AFG2A: variants seen among roughly 807,000 people sequenced by gnomAD.
AFG2A encodes the protein ATPase family gene 2 protein homolog A.
the AFG2A span, among the ~76,000 whole-genome samples, chr4:123,213,497 C>A: frequency 2.0e-5 from 3 of 152,132 alleles, no homozygotes; most frequent in Non-Finnish European, 2.9e-5. Flanking sequence ...GTATTCACTG[C>A]ACCTCTGAGC....
the AFG2A span, among the ~76,000 whole-genome samples, chr4:123,302,375 A>G: frequency 2.6e-5 from 4 of 152,210 alleles, no homozygotes; most frequent in Admixed American, 6.5e-5. Flanking sequence ...CAGCCCCACA[A>G]GGACCCACAA....
At chr4:123,004,991 T>C in the AFG2A span, among the ~76,000 whole-genome samples, 1 of 152,232 alleles carries the variant, frequency 6.6e-6, no homozygotes, top group African/African-American at 2.4e-5. Flanking sequence ...GTTGAATTTA[T>C]GGCCAAAGAG....
At chr4:123,054,731 G>A in the AFG2A span, among the ~76,000 whole-genome samples, 70 of 152,006 alleles carry the variant, frequency 4.6e-4, no homozygotes, top group Admixed American at 1.0e-3. Context: ...AAAAAAATTA[G>A]TAATGTTAAG....
chr4:122,952,548 C>G, the AFG2A span, among the ~76,000 whole-genome samples: 1 of 152,188 alleles, frequency 6.6e-6, no homozygotes, highest in African/African-American at 2.4e-5. Flanking sequence ...ATGGCAGACT[C>G]AAGTATTTGG....
At chr4:122,934,094 T>C in the AFG2A span, 2 of 1,584,588 alleles carry the variant, frequency 1.3e-6, no homozygotes, top group Non-Finnish European at 1.7e-6. Flanking sequence ...TACTGTTTTC[T>C]AGATGGCAAG....
the AFG2A span, among the ~76,000 whole-genome samples, chr4:123,229,089 C>T: frequency 6.6e-6 from 1 of 151,708 alleles, no homozygotes; most frequent in African/African-American, 2.4e-5. Context: ...TAAAAAAAAC[C>T]AGCACAATTT....
chr4:123,278,939 T>G, the AFG2A span, among the ~76,000 whole-genome samples: 1 of 152,156 alleles, frequency 6.6e-6, no homozygotes, highest in Non-Finnish European at 1.5e-5. Flanking sequence ...TTAGGGTGAG[T>G]CATGTGCTGA....
chr4:123,024,306 A>C, the AFG2A span, among the ~76,000 whole-genome samples: 4 of 7,976 alleles, frequency 5.0e-4, no homozygotes, highest in Non-Finnish European at 6.0e-3. Flanking sequence ...AGACCCCCCA[A>C]AAAAAAATCA....
chr4:122,983,815 A>G, the AFG2A span, among the ~76,000 whole-genome samples: 65,346 of 152,116 alleles, frequency 0.43, 17,010 homozygotes, highest in Non-Finnish European at 0.57. Context: ...GACTCTGTAC[A>G]GACAACCCCC....
the AFG2A span, among the ~76,000 whole-genome samples, chr4:123,134,162 T>G: frequency 0.012 from 1,806 of 152,258 alleles, 43 homozygotes; most frequent in African/African-American, 0.04. Flanking sequence ...TGCCTGTGCT[T>G]TTGAGGTTAT....
chr4:123,033,841 G>C, the AFG2A span, among the ~76,000 whole-genome samples: 1 of 152,098 alleles, frequency 6.6e-6, no homozygotes, highest in African/African-American at 2.4e-5. Flanking sequence ...TACATTATAA[G>C]CTTTGGGGAG....
At chr4:123,047,225 C>T in the AFG2A span, among the ~76,000 whole-genome samples, 6 of 152,306 alleles carry the variant, frequency 3.9e-5, no homozygotes, top group Admixed American at 2.6e-4. Context: ...ACAGTGTACA[C>T]ATGATTTCCT....
the AFG2A span, among the ~76,000 whole-genome samples, chr4:123,283,621 T>C: frequency 2.0e-5 from 3 of 152,186 alleles, no homozygotes; most frequent in African/African-American, 7.2e-5. Flanking sequence ...ACAAACTGTT[T>C]TTGTGAAGCC....
the AFG2A span, among the ~76,000 whole-genome samples, chr4:123,001,379 C>G: frequency 1.3e-5 from 2 of 152,050 alleles, no homozygotes; most frequent in African/African-American, 2.4e-5. Context: ...TTTTCTAGTT[C>G]TTCTAATTGT....
At chr4:122,925,949 T>C in the AFG2A span, among the ~76,000 whole-genome samples, 1 of 152,250 alleles carries the variant, frequency 6.6e-6, no homozygotes, top group Admixed American at 6.5e-5. Context: ...TGTTAGTTAA[T>C]GTGATACTTA....
the AFG2A span, among the ~76,000 whole-genome samples, chr4:123,170,439 A>G: frequency 1.3e-5 from 2 of 152,190 alleles, no homozygotes; most frequent in Non-Finnish European, 2.9e-5. Context: ...CTCATGGGAT[A>G]TGTGTACTTT....
chr4:123,011,690 T>C, the AFG2A span, among the ~76,000 whole-genome samples: 1 of 152,178 alleles, frequency 6.6e-6, no homozygotes, highest in East Asian at 1.9e-4. Context: ...GAAAATAAAA[T>C]GCTTAGATTT....
chr4:122,988,075 T>C, the AFG2A span, among the ~76,000 whole-genome samples: 31 of 152,024 alleles, frequency 2.0e-4, no homozygotes, highest in African/African-American at 7.5e-4. Flanking sequence ...GTTTTTTTTT[T>C]TCCCTTTTTC....
the AFG2A span, chr4:122,947,467 A>T: frequency 1.9e-5 from 30 of 1,612,914 alleles, no homozygotes; most frequent in Non-Finnish European, 2.5e-5. Context: ...AGCAGACTTG[A>T]AAGTCTTGTG....
Sources: gnomAD v4.1 joint callset for allele counts (sites outside exome capture counted in the v4.1 genomes callset) on GRCh38, gnomAD v4.1.1 for gene constraint, MANE v1.5 for transcripts, NCBI Gene and HGNC (gene_info 2026-07-23, HGNC 2026-07-21) for gene names.